ABCA13: variants seen among roughly 807,000 people sequenced by gnomAD.
ABCA13 encodes the protein ATP-binding cassette sub-family A member 13.
A neutral mutation model predicts 478.7 loss-of-function variants in ABCA13; 476 were observed. That is an observed-to-expected ratio of 0.99 (90% confidence interval 0.92 to 1.07). The LOEUF (loss-of-function observed/expected upper bound fraction) is 1.07. Ranked by LOEUF, ABCA13 falls within the 50% of genes least tolerant of loss-of-function variation. The pLI, the probability that ABCA13 is intolerant of heterozygous loss-of-function variation, is 0.00. For missense variants in ABCA13, 6,060 were observed against 5,910.6 expected, an observed-to-expected ratio of 1.03 and a Z score of -0.83; for synonymous variants, 2,252 against 2,158.9, an observed-to-expected ratio of 1.04 and a Z score of -1.20.
At chr7:48,265,805 A>C (rs777585886) in intron 15 of ABCA13, among the ~76,000 whole-genome samples, 1 of 151,654 alleles carries the variant, frequency 6.6e-6, no homozygotes, top group Non-Finnish European at 1.5e-5. Context: ...ATGGAATAGA[A>C]ATGATGGAAG....
Position 48,273,899 on chromosome 7 carries a change from T to A in ABCA13, c.4233T>A (p.Ser1411Arg). The A allele has an allele frequency of 6.2e-7, 1 of 1,612,964 alleles. No homozygotes were observed. Among genetic ancestry groups the A allele is most frequent in the Non-Finnish European group, 8.5e-7 (1 of 1,179,384 alleles). ...ATTTGTATTTGTTGTCTAACTCCAGTTTTTCACAAGGTCATCTTCAAAATA... is the reference window on the plus strand; with the variant it reads ...ATTTGTATTTGTTGTCTAACTCCAGATTTTCACAAGGTCATCTTCAAAATA... Reference protein sequence around the residue: ...INHLYLLSNSSFSQGHLQNIL... With the variant: ...INHLYLLSNSRFSQGHLQNIL... The change falls in exon 17 of 62, where the codon AGT (serine) becomes AGA (arginine). Residue 1411 changes from serine to arginine, a missense_variant. Around this residue, in one of 3 missense-constraint regions of ABCA13, gnomAD observed 4,423 missense variants for 4,309.1 expected, o/e 1.03. Transcript: ENST00000435803.
chr7:48,351,423 G>A (rs529494023), intron 30 of ABCA13, among the ~76,000 whole-genome samples: 32 of 152,354 alleles, frequency 2.1e-4, no homozygotes, highest in African/African-American at 7.2e-4. Flanking sequence ...AGTGCTGGAA[G>A]CTAGATATTC....
At chr7:48,577,934 TA>T (rs1300271280) in intron 55 of ABCA13, among the ~76,000 whole-genome samples, 1 of 152,116 alleles carries the variant, frequency 6.6e-6, no homozygotes, top group Non-Finnish European at 1.5e-5. Context: ...GAAAATCAAT[TA>T]ATATAATCCA....
chr7:48,504,828 C>T (rs1831061632), intron 48 of ABCA13, among the ~76,000 whole-genome samples: 2 of 152,160 alleles, frequency 1.3e-5, no homozygotes, highest in African/African-American at 4.8e-5. Context: ...CATTGGGCTG[C>T]ACATCAAGTG....
chr7:48,279,110 C>A lies in ABCA13; in HGVS notation c.7916C>A (p.Ala2639Asp), dbSNP rs758576574. ...TTTTCTGATATTTTGGAAGAAATTG[C>A]TGAATTTTTAACATCTGTGAAAATG... ...KDFSDILEEI[A>D]EFLTSVKMNL... The change falls in exon 18 of 62, where the codon GCT (alanine) becomes GAT (aspartate). Residue 2639 changes from alanine to aspartate, a missense_variant. This residue lies in a region of ABCA13 where 4,423 missense variants were observed against 4,309.1 expected (regional missense o/e 1.03). Transcript: ENST00000435803. 2.5e-6 allele frequency: 4 copies of A among 1,610,898 alleles called. No individual in the cohort carries two copies. Among genetic ancestry groups the A allele is most frequent in the Non-Finnish European group, 3.4e-6 (4 of 1,178,960 alleles).
At chr7:48,515,226 G>A (rs181883145) in intron 51 of ABCA13, among the ~76,000 whole-genome samples, 20 of 152,304 alleles carry the variant, frequency 1.3e-4, no homozygotes, top group Admixed American at 1.1e-3. Flanking sequence ...CATTTACCTT[G>A]AGTGAGCAGA....
chr7:48,545,501 G>C (rs116770363), intron 55 of ABCA13, among the ~76,000 whole-genome samples: 2,657 of 151,528 alleles, frequency 0.018, 92 homozygotes, highest in African/African-American at 0.06. Context: ...GATACCCATG[G>C]GCACTTTTAA....
intron 31 of ABCA13, among the ~76,000 whole-genome samples, chr7:48,363,537 T>G (rs1811210563): frequency 6.6e-6 from 1 of 152,150 alleles, no homozygotes; most frequent in African/African-American, 2.4e-5. Flanking sequence ...TTAGAAATAC[T>G]TAGTTTTTCT....
intron 37 of ABCA13, among the ~76,000 whole-genome samples, chr7:48,391,030 A>G (rs1412698630): frequency 6.6e-6 from 1 of 152,220 alleles, no homozygotes; most frequent in Non-Finnish European, 1.5e-5. Flanking sequence ...TAAAACTTAA[A>G]TAATAAACTT....
chr7:48,626,332 C>T (rs370708032), intron 59 of ABCA13, among the ~76,000 whole-genome samples: 2 of 152,044 alleles, frequency 1.3e-5, no homozygotes, highest in African/African-American at 2.4e-5. Context: ...ATTTAAATCA[C>T]GTGTATGCTT....
At chr7:48,253,283 C>A (rs4917172) in intron 15 of ABCA13, among the ~76,000 whole-genome samples, 78,451 of 152,002 alleles carry the variant, frequency 0.52, 20,950 homozygotes, top group East Asian at 0.83. Context: ...CTGTGCTCTA[C>A]ATCAGGCAAG....
chr7:48,543,517 G>A (rs1197776723), intron 55 of ABCA13, among the ~76,000 whole-genome samples: 2 of 151,424 alleles, frequency 1.3e-5, no homozygotes, highest in Non-Finnish European at 1.5e-5. Context: ...CCAACTACTC[G>A]GGAAGCTGAG....
At chr7:48,621,329 G>C (rs779773694) in intron 59 of ABCA13, among the ~76,000 whole-genome samples, 35 of 152,142 alleles carry the variant, frequency 2.3e-4, no homozygotes, top group Admixed American at 8.5e-4. Context: ...ATCTTACCTC[G>C]TTCCAATTCA....
intron 1 of ABCA13, among the ~76,000 whole-genome samples, chr7:48,187,418 T>C (rs1467533371): frequency 6.6e-6 from 1 of 151,928 alleles, no homozygotes; most frequent in Middle Eastern, 3.2e-3. Context: ...AGATGAAATC[T>C]TCTCTATTTC....
chr7:48,370,838 C>T (rs1812520007), intron 32 of ABCA13, among the ~76,000 whole-genome samples: 2 of 152,018 alleles, frequency 1.3e-5, no homozygotes, highest in South Asian at 4.1e-4. Flanking sequence ...GAAACAAGAA[C>T]AATAGAAACC....
rs752049932 is a variant in ABCA13, at chr7:48,516,775, C to T, written c.13691C>T (p.Ser4564Leu). ...MYLMSRIFSS[S>L]DVAFISYVSL... ...CTGATGTCCAGAATCTTTTCCAGTTCGGACGTGGCTTTCATTTCCTATGTC... is the reference window on the plus strand; with the variant it reads ...CTGATGTCCAGAATCTTTTCCAGTTTGGACGTGGCTTTCATTTCCTATGTC... Residue 4564 changes from serine to leucine, a missense_variant, in exon 52 of 62, where the codon TCG (serine) becomes TTG (leucine). Around this residue, in one of 3 missense-constraint regions of ABCA13, gnomAD observed 1,627 missense variants for 1,571.0 expected, o/e 1.04. Transcript: ENST00000435803. The T allele has an allele frequency of 2.3e-5, 37 of 1,613,816 alleles. 2 individuals are homozygous for T. The highest frequency in any genetic ancestry group is 1.7e-4 in the Middle Eastern group (1 of 6,058).
chr7:48,178,348 C>A (rs749092835), intron 1 of ABCA13, among the ~76,000 whole-genome samples: 1 of 152,170 alleles, frequency 6.6e-6, no homozygotes, highest in Non-Finnish European at 1.5e-5. Flanking sequence ...GTGAGCATCT[C>A]TTTTGTCCTG....
intron 19 of ABCA13, among the ~76,000 whole-genome samples, chr7:48,283,594 C>A (rs1230715877): frequency 6.6e-6 from 1 of 152,130 alleles, no homozygotes. Flanking sequence ...TAGGTCAATG[C>A]ATGAGGGCTG....
At chr7:48,219,938 C>T (rs1267429224) in intron 4 of ABCA13, among the ~76,000 whole-genome samples, 1 of 138,072 alleles carries the variant, frequency 7.2e-6, no homozygotes, top group African/African-American at 2.7e-5. Flanking sequence ...ACACACATTC[C>T]CAATTCATTT....
Sources: allele counts gnomAD v4.1 joint callset (sites outside exome capture counted in the v4.1 genomes callset), GRCh38; gene constraint gnomAD v4.1.1; regional missense constraint gnomAD v4.1.1; transcripts MANE v1.5; gene names NCBI Gene and HGNC (gene_info 2026-07-23, HGNC 2026-07-21).